The following DAAM1 variants were observed in gnomAD, a reference collection of about 807,000 sequenced individuals.
DAAM1 encodes the protein disheveled-associated activator of morphogenesis 1.
DAAM1 carries 52 observed loss-of-function variants against 130.0 expected under a neutral mutation model. That is an observed-to-expected ratio of 0.40 (90% CI 0.32 to 0.50). The LOEUF is 0.50. DAAM1 is among the 20% of genes least tolerant of loss of function. The pLI, the probability that DAAM1 is intolerant of heterozygous loss-of-function variation, is 0.61. For missense variants in DAAM1, 1,134 were observed against 1,303.8 expected, an observed-to-expected ratio of 0.87 and a Z score of 2.01; for synonymous variants, 452 against 444.5, an observed-to-expected ratio of 1.02 and a Z score of -0.21.
chr14:59,230,955 A>G (rs1889086818), intron 1 of DAAM1, among the ~76,000 whole-genome samples: 1 of 152,206 alleles, frequency 6.6e-6, no homozygotes. Context: ...AGAATTAAAA[A>G]TGTTCTCTGT....
At chr14:59,248,061 T>G (rs944424266) in intron 1 of DAAM1, among the ~76,000 whole-genome samples, 1 of 152,238 alleles carries the variant, frequency 6.6e-6, no homozygotes, top group African/African-American at 2.4e-5. Flanking sequence ...TATTAACTTC[T>G]GTCCAAATAC....
At chr14:59,294,399 A>G (rs905441118) in intron 3 of DAAM1, among the ~76,000 whole-genome samples, 4 of 152,240 alleles carry the variant, frequency 2.6e-5, no homozygotes, top group Admixed American at 6.5e-5. Context: ...AATATTTCTC[A>G]GACTAAAACG....
chr14:59,280,216 A>G (rs1029711317), intron 2 of DAAM1, among the ~76,000 whole-genome samples: 1 of 152,172 alleles, frequency 6.6e-6, no homozygotes, highest in Non-Finnish European at 1.5e-5. Context: ...AAAACTGTAT[A>G]CTTAACATGT....
At chr14:59,192,152 G>A (rs1171282499) in intron 1 of DAAM1, among the ~76,000 whole-genome samples, 1 of 43,242 alleles carries the variant, frequency 2.3e-5, no homozygotes, top group Admixed American at 1.7e-4. Flanking sequence ...GTTAAGGGGT[G>A]TGTGTGTGTG....
At chr14:59,310,133 CAG>C (rs910444781) in intron 3 of DAAM1, among the ~76,000 whole-genome samples, 1 of 138,184 alleles carries the variant, frequency 7.2e-6, no homozygotes, top group Non-Finnish European at 1.5e-5. Context: ...TTTTTTGAGA[CAG>C]GGTCTTGCTC....
chr14:59,247,844 A>T (rs1398410017), intron 1 of DAAM1, among the ~76,000 whole-genome samples: 1 of 152,194 alleles, frequency 6.6e-6, no homozygotes, highest in Non-Finnish European at 1.5e-5. Flanking sequence ...ATGTTTAAAC[A>T]AGTATATCCA....
chr14:59,189,082 G>T (rs1020822845), intron 1 of DAAM1, among the ~76,000 whole-genome samples: 1 of 152,304 alleles, frequency 6.6e-6, no homozygotes, highest in Admixed American at 6.5e-5. Context: ...TTTCTAAGGC[G>T]CCCGGCTGGC....
chr14:59,197,600 C>G (rs1319391550), intron 1 of DAAM1, among the ~76,000 whole-genome samples: 1 of 152,226 alleles, frequency 6.6e-6, no homozygotes, highest in Non-Finnish European at 1.5e-5. Context: ...TATGGAAGTT[C>G]TAGGAACTGT....
chr14:59,236,860 T>C (rs1457152249), intron 1 of DAAM1, among the ~76,000 whole-genome samples: 1 of 152,188 alleles, frequency 6.6e-6, no homozygotes, highest in Non-Finnish European at 1.5e-5. Flanking sequence ...CCCAAACTTC[T>C]CTTGTTTCAT....
intron 18 of DAAM1, among the ~76,000 whole-genome samples, chr14:59,353,407 G>C (rs1265309212): frequency 1.3e-5 from 2 of 152,214 alleles, no homozygotes; most frequent in African/African-American, 2.4e-5. Flanking sequence ...GGATGTTGGA[G>C]ACCAGTTTTT....
At chr14:59,215,160 G>C (rs1359448312) in intron 1 of DAAM1, among the ~76,000 whole-genome samples, 1 of 152,194 alleles carries the variant, frequency 6.6e-6, no homozygotes, top group Non-Finnish European at 1.5e-5. Flanking sequence ...AAACCTTTCA[G>C]CCCTGAGCCT....
intron 1 of DAAM1, among the ~76,000 whole-genome samples, chr14:59,255,467 G>A (rs1881836753): frequency 6.6e-6 from 1 of 152,166 alleles, no homozygotes; most frequent in Non-Finnish European, 1.5e-5. Flanking sequence ...ATGTGAGAGA[G>A]GAGAGGGATG....
intron 1 of DAAM1, among the ~76,000 whole-genome samples, chr14:59,207,331 G>C (rs535126762): frequency 1.4e-3 from 215 of 152,302 alleles, no homozygotes; most frequent in Non-Finnish European, 2.7e-3. Context: ...ATTACTGTGT[G>C]TTTTTGGCAA....
intron 15 of DAAM1, among the ~76,000 whole-genome samples, chr14:59,334,492 G>A (rs1347653395): frequency 6.6e-6 from 1 of 152,034 alleles, no homozygotes; most frequent in African/African-American, 2.4e-5. Context: ...CTGGACTTCA[G>A]CCAGTTGTTT....
intron 1 of DAAM1, among the ~76,000 whole-genome samples, chr14:59,227,596 TC>T (rs1888979887): frequency 6.6e-6 from 1 of 152,240 alleles, no homozygotes; most frequent in Non-Finnish European, 1.5e-5. Flanking sequence ...GCTTGGATTC[TC>T]CCCATGTCTC....
chr14:59,345,368 T>A (rs888612780), intron 16 of DAAM1, among the ~76,000 whole-genome samples: 1 of 152,212 alleles, frequency 6.6e-6, no homozygotes, highest in African/African-American at 2.4e-5. Flanking sequence ...ACAGCTCACA[T>A]AAGGTGATAG....
chr14:59,306,939 G>A (rs749544727), intron 3 of DAAM1, among the ~76,000 whole-genome samples: 6 of 152,170 alleles, frequency 3.9e-5, no homozygotes, highest in Admixed American at 1.3e-4. Context: ...GTGTTCTTGA[G>A]CAAGAGCTTT....
chr14:59,188,714 A>T lies in DAAM1; in HGVS notation c.-92A>T, dbSNP rs1887629546. 1 of 152,872 alleles carries T rather than the reference A, an allele frequency of 6.5e-6. No individual in the cohort carries two copies. The highest frequency in any genetic ancestry group is 1.5e-5 in the Non-Finnish European group (1 of 68,238). The allele number at this position is 152,872 out of a possible 1,614,324, so 9.5% of individuals were successfully genotyped here. On this transcript the variant is annotated 5_prime_UTR_variant, in exon 1 of 25. Coordinates refer to ENST00000360909, the MANE Select transcript of DAAM1 (RefSeq NM_001270520.2). ...GCTGTGAAGGAAACTGTTTAACCGG[A>T]TCCCATTGTACCCAGAGTGCAGAGC...
At chr14:59,240,931 G>C (rs1010974043) in intron 1 of DAAM1, among the ~76,000 whole-genome samples, 11 of 152,224 alleles carry the variant, frequency 7.2e-5, no homozygotes, top group Admixed American at 5.9e-4. Context: ...ATGCGAAGTA[G>C]GCAAATAGGT....
Sources: gnomAD v4.1 joint callset for allele counts (sites outside exome capture counted in the v4.1 genomes callset) on GRCh38, gnomAD v4.1.1 for gene constraint, MANE v1.5 for transcripts, NCBI Gene and HGNC (gene_info 2026-07-23, HGNC 2026-07-21) for gene names.